Variants in TPRG1 observed in about 807,000 individuals in gnomAD.
The protein encoded by TPRG1 is tumor protein p63-regulated gene 1 protein.
In TPRG1, 29 loss-of-function variants were observed where a neutral mutation model predicts 29.3. The ratio of observed to expected loss-of-function variants is 0.99; its 90% CI spans 0.74 to 1.35. The LOEUF is 1.35. TPRG1 is among the 40% of genes most tolerant of loss of function. TPRG1 has a pLI of 0.00. For synonymous variants in TPRG1, 130 were observed against 116.8 expected, an observed-to-expected ratio of 1.11 and a Z score of -0.73; for missense variants, 327 against 335.0, an observed-to-expected ratio of 0.98 and a Z score of 0.19.
chr3:189,089,828 C>T (rs1449541942), intron 4 of TPRG1, among the ~76,000 whole-genome samples: 1 of 152,138 alleles, frequency 6.6e-6, no homozygotes, highest in African/African-American at 2.4e-5. Context: ...TAAGTTTCAA[C>T]ATGAGTTTTG....
At chr3:189,099,385 G>T (rs1375984254), upstream of TPRG1, among the ~76,000 whole-genome samples, 1 of 152,164 alleles carries the variant, frequency 6.6e-6, no homozygotes, top group African/African-American at 2.4e-5. Flanking sequence ...ACCCCTTGGG[G>T]AATAGGAGGG....
chr3:189,196,421 G>A (rs1321465721), intron 1 of TPRG1, among the ~76,000 whole-genome samples: 4 of 152,162 alleles, frequency 2.6e-5, no homozygotes, highest in Non-Finnish European at 4.4e-5. Flanking sequence ...TTATAAAGGA[G>A]AGAGGTTTAA....
chr3:189,153,650 C>T (rs2038103967), intron 5 of TPRG1, among the ~76,000 whole-genome samples: 1 of 152,118 alleles, frequency 6.6e-6, no homozygotes, highest in African/African-American at 2.4e-5. Flanking sequence ...CCTGCCATAG[C>T]CGGGAGATGG....
At chr3:189,202,225 G>T (rs1733619694) in intron 1 of TPRG1, among the ~76,000 whole-genome samples, 1 of 152,116 alleles carries the variant, frequency 6.6e-6, no homozygotes, top group South Asian at 2.1e-4. Flanking sequence ...AGATCATGCG[G>T]TTTTTCTGTA....
chr3:189,186,958 C>T (rs1012782819), intron 1 of TPRG1, among the ~76,000 whole-genome samples: 4 of 142,800 alleles, frequency 2.8e-5, no homozygotes, highest in Admixed American at 7.0e-5. Flanking sequence ...TTTTCTAGGC[C>T]TTTAGATTCA....
At chr3:189,266,883 G>GTT (rs113474973) in intron 4 of TPRG1, among the ~76,000 whole-genome samples, 3 of 148,650 alleles carry the variant, frequency 2.0e-5, no homozygotes, top group African/African-American at 4.9e-5. Flanking sequence ...TTTTCCTTGT[G>GTT]TTTTTTTTTT....
intron 1 of TPRG1, among the ~76,000 whole-genome samples, chr3:189,114,022 G>A (rs560004853): frequency 7.9e-5 from 12 of 152,020 alleles, no homozygotes; most frequent in African/African-American, 2.2e-4. Flanking sequence ...AATTTTTTGC[G>A]TTGAAAAGAA....
At chr3:189,237,287 GCACACACACGCACA>G (rs953650734) in intron 3 of TPRG1, among the ~76,000 whole-genome samples, 3 of 151,640 alleles carry the variant, frequency 2.0e-5, no homozygotes, top group African/African-American at 4.9e-5. Context: ...ACACACACAT[GCACACACACGCACA>G]CACACACACG....
Position 189,323,154 on chromosome 3 carries a change from A to G in TPRG1, c.*2334A>G, listed in dbSNP as rs1325153230. 1 of 152,116 alleles carries G rather than the reference A, an allele frequency of 6.6e-6. No homozygotes were observed. The highest frequency in any genetic ancestry group is 6.6e-5 in the Admixed American group (1 of 15,250). The allele number at this position is 152,116 out of a possible 1,614,324, so 9.4% of individuals were successfully genotyped here. A position where few individuals can be genotyped will look rare whatever the true frequency, so the allele number is the denominator to read the frequency against. On this transcript the variant is annotated 3_prime_UTR_variant, in exon 6 of 6. Coordinates refer to ENST00000345063, the MANE Select transcript of TPRG1 (RefSeq NM_198485.4). ...AGCCCACCATCACTTGGTATGTTCA[A>G]GGAAAGACTAGATAAAGTCGATATT...
Position 189,310,606 on chromosome 3 carries a change from G to A in TPRG1, c.633+67G>A, listed in dbSNP as rs1258672687. On this transcript the variant is annotated intron_variant, in intron 5 of 5. Coordinates refer to ENST00000345063, the MANE Select transcript of TPRG1 (RefSeq NM_198485.4). ...GCTGGAGCTATGTGCTTCTAGGGACGTGTACTCCTAAACAAAACAAAATAA... is the reference window on the plus strand; with the variant it reads ...GCTGGAGCTATGTGCTTCTAGGGACATGTACTCCTAAACAAAACAAAATAA... The A allele has an allele frequency of 3.5e-5, 37 of 1,064,218 alleles. No individual in the cohort carries two copies. The South Asian group carries it at 4.2e-4, about 12-fold the overall frequency. The allele number at this position is 1,064,218 out of a possible 1,614,324, so 65.9% of individuals were successfully genotyped here. A position where few individuals can be genotyped will look rare whatever the true frequency, so the allele number is the denominator to read the frequency against.
intron 4 of TPRG1, among the ~76,000 whole-genome samples, chr3:189,050,660 G>A (rs1037246942): frequency 6.6e-6 from 1 of 152,164 alleles, no homozygotes; most frequent in Non-Finnish European, 1.5e-5. Flanking sequence ...TATCCTTAAT[G>A]AACATAGATG....
At chr3:189,310,611 C>A in intron 5 of TPRG1, 72 bp downstream of exon 5, 1 of 898,218 alleles carries the variant, frequency 1.1e-6, no homozygotes, top group Non-Finnish European at 1.6e-6. Flanking sequence ...GGGACGTGTA[C>A]TCCTAAACAA....
chr3:189,032,589 T>C lies in TPRG1; in HGVS notation c.-463+8643T>C, dbSNP rs111991264. 9.1e-3 allele frequency among the ~76,000 whole-genome samples: 1,370 copies of C among 150,284 alleles called. 31 individuals carry two copies. Among genetic ancestry groups the C allele is most frequent in the African/African-American group, 0.033 (1,325 of 39,662 alleles). On this transcript the variant is annotated intron_variant, in intron 4 of 10. Coordinates refer to the TPRG1 transcript ENST00000433971. ...TTTATGTGTTATTAATCTCTCCTTTTTTTTTCTTTTTTTTTATTATTATTA... is the reference window on the plus strand; with the variant it reads ...TTTATGTGTTATTAATCTCTCCTTTCTTTTTCTTTTTTTTTATTATTATTA...
intron 4 of TPRG1, among the ~76,000 whole-genome samples, chr3:189,296,365 G>A (rs1288592437): frequency 6.6e-6 from 1 of 152,222 alleles, no homozygotes; most frequent in African/African-American, 2.4e-5. Flanking sequence ...GTGAATTTCA[G>A]GTGAGTCAGC....
intron 4 of TPRG1, among the ~76,000 whole-genome samples, chr3:189,068,603 C>T (rs528552500): frequency 2.6e-5 from 4 of 152,214 alleles, no homozygotes; most frequent in South Asian, 2.1e-4. Context: ...AGTGAAACCC[C>T]GTCTCTACTA....
intron 5 of TPRG1, among the ~76,000 whole-genome samples, chr3:189,314,354 A>G (rs1723154520): frequency 6.6e-6 from 1 of 152,220 alleles, no homozygotes; most frequent in South Asian, 2.1e-4. Context: ...CTGGTGGGTC[A>G]GGAAGGTACC....
rs368624963 is a variant in TPRG1, at chr3:189,230,434, C to CAAA, written c.303-8291_303-8289dup. 5.2e-3 allele frequency among the ~76,000 whole-genome samples: 773 copies of CAAA among 147,548 alleles called. 3 individuals are homozygous for CAAA. The highest frequency in any genetic ancestry group is 0.017 in the African/African-American group (678 of 40,356). On this transcript the variant is annotated intron_variant, in intron 3 of 5. Coordinates refer to ENST00000345063, the MANE Select transcript of TPRG1 (RefSeq NM_198485.4). ...TCACATGAAAAATAGTCATAAATTG[C>CAAA]AAAAAAAAAATGTGTTGTGTCCCTG...
chr3:189,187,546 T>G (rs1731112208), intron 1 of TPRG1, among the ~76,000 whole-genome samples: 1 of 151,108 alleles, frequency 6.6e-6, no homozygotes, highest in South Asian at 2.1e-4. Context: ...CTCAAACTCC[T>G]GACCTCGTGA....
chr3:189,317,535 T>C (rs984652874), intron 5 of TPRG1, among the ~76,000 whole-genome samples: 3 of 152,212 alleles, frequency 2.0e-5, no homozygotes, highest in African/African-American at 7.2e-5. Flanking sequence ...TTTGATACTA[T>C]TAATATTCTT....
Sources: allele counts gnomAD v4.1 joint callset (sites outside exome capture counted in the v4.1 genomes callset), GRCh38; gene constraint gnomAD v4.1.1; transcripts MANE v1.5; gene names NCBI Gene and HGNC (gene_info 2026-07-23, HGNC 2026-07-21).